PRPF39: variants seen among roughly 807,000 people sequenced by gnomAD.
PRPF39 encodes pre-mRNA processing factor 39.
In PRPF39, 27 loss-of-function variants were observed where a neutral mutation model predicts 82.1. That is an observed-to-expected ratio of 0.33 (90% CI 0.24 to 0.45). The LOEUF (loss-of-function observed/expected upper bound fraction) is 0.45, where lower values mean the gene tolerates loss of function less well. Ranked by LOEUF, PRPF39 falls within the 20% of genes least tolerant of loss-of-function variation. PRPF39 has a pLI of 1.00. For missense variants in PRPF39, 581 were observed against 796.9 expected, an observed-to-expected ratio of 0.73 and a Z score of 3.26; for synonymous variants, 261 against 256.4, an observed-to-expected ratio of 1.02 and a Z score of -0.17.
In PRPF39 at chr14:45,110,175, A is replaced by C; in HGVS notation, c.1258A>C (p.Lys420Gln). The change falls in exon 9 of 14, where the codon AAA (lysine) becomes CAA (glutamine). Residue 420 changes from lysine (K) to glutamine (Q), a missense_variant. Lys to Gln is a moderately conservative substitution (Grantham distance 53, BLOSUM62 1). Coordinates refer to ENST00000355765, the MANE Select transcript of PRPF39 (RefSeq NM_017922.4). This position sits in a 1 kb window ranked among gnomAD's most constrained non-coding sequence, Gnocchi z 4.0. Reference protein sequence around the residue: ...SRACTIHLPKKPMVHMLWAAF... With the variant: ...SRACTIHLPKQPMVHMLWAAF... ...AGCTTGTACTATACATCTCCCAAAG[A>C]AACCCATGGTGCATATGCTTTGGGC... is the stretch of plus-strand genomic sequence containing the variant. The C allele has an allele frequency of 6.2e-7, 1 of 1,613,852 alleles. No homozygotes were observed. The highest frequency in any genetic ancestry group is 8.5e-7 in the Non-Finnish European group (1 of 1,179,778).
At chr14:45,094,204 TA>T (rs891070305) in intron 1 of PRPF39, among the ~76,000 whole-genome samples, 2 of 151,830 alleles carry the variant, frequency 1.3e-5, no homozygotes, top group Admixed American at 1.3e-4. Flanking sequence ...TTCCTCATTT[TA>T]AAAAAAATGA....
Position 45,109,855 on chromosome 14 carries a change from T to C in PRPF39, c.1176+75T>C, listed in dbSNP as rs1236858261. On this transcript the variant is annotated intron_variant, in intron 8 of 13. Transcript: ENST00000355765. ...TAGTGACTAACCTTTTTTGTACTTCTGTTGAATGTTGTTCATATAACTATA... is the reference window on the plus strand; with the variant it reads ...TAGTGACTAACCTTTTTTGTACTTCCGTTGAATGTTGTTCATATAACTATA... The C allele has an allele frequency of 2.8e-5, 43 of 1,521,474 alleles. 1 individual carries two copies. The highest frequency in any genetic ancestry group is 1.0e-4 in the South Asian group (8 of 78,908). The allele number at this position is 1,521,474 out of a possible 1,614,324, so 94.2% of individuals were successfully genotyped here. A position where few individuals can be genotyped will look rare whatever the true frequency, so the allele number is the denominator to read the frequency against.
intron 8 of PRPF39, 150 bp from the exon 9 acceptor site, chr14:45,109,944 T>G: frequency 6.5e-7 from 1 of 1,538,390 alleles, no homozygotes; most frequent in Non-Finnish European, 8.7e-7. Context: ...CCAACCTCGT[T>G]GCCTCTCTTC....
chr14:45,114,914 T>A lies in PRPF39; in HGVS notation c.*1T>A, dbSNP rs779394218. 3 of 1,588,106 alleles carry A rather than the reference T, an allele frequency of 1.9e-6. No homozygotes were observed. In the Admixed American group the frequency reaches 5.0e-5, roughly 27 times the overall value. ...ATATTATCCTCCCCCTCCAACCTGATGGGAAAAATGTAAATTTCAAATGCA... is the reference window on the plus strand; with the variant it reads ...ATATTATCCTCCCCCTCCAACCTGAAGGGAAAAATGTAAATTTCAAATGCA... On this transcript the variant is annotated 3_prime_UTR_variant, in exon 14 of 14. Coordinates refer to ENST00000355765, the MANE Select transcript of PRPF39 (RefSeq NM_017922.4).
At chr14:45,093,885 G>A (rs1349118795) in intron 1 of PRPF39, among the ~76,000 whole-genome samples, 1 of 152,042 alleles carries the variant, frequency 6.6e-6, no homozygotes, top group East Asian at 1.9e-4. Flanking sequence ...ACACCCTCCA[G>A]TTTTGCTGTA....
chr14:45,107,436 A>T lies in PRPF39; in HGVS notation c.738-15A>T, dbSNP rs1291999548. 6.8e-7 allele frequency: 1 copy of T among 1,474,608 alleles called. No homozygotes were observed. The highest frequency in any genetic ancestry group is 9.3e-7 in the Non-Finnish European group (1 of 1,080,490). The allele number at this position is 1,474,608 out of a possible 1,614,324, so 91.3% of individuals were successfully genotyped here. A position where few individuals can be genotyped will look rare whatever the true frequency, so the allele number is the denominator to read the frequency against. On this transcript the variant is annotated splice_polypyrimidine_tract_variant and intron_variant, in intron 5 of 13. Transcript: ENST00000355765. The stretch of plus-strand genomic sequence containing the variant: ...TTATGATTCAAATACATATATTTTT[A>T]TTGTCTTCCTTTAGATTTAAAGAAC...
intron 1 of PRPF39, among the ~76,000 whole-genome samples, chr14:45,092,615 A>AT (rs1884070011): frequency 6.6e-6 from 1 of 151,566 alleles, no homozygotes. Flanking sequence ...AAAAAAAAAA[A>AT]AAAAAAAAAG....
chr14:45,087,491 A>G (rs1233030044), intron 1 of PRPF39, among the ~76,000 whole-genome samples: 1 of 152,100 alleles, frequency 6.6e-6, no homozygotes, highest in African/African-American at 2.4e-5. Flanking sequence ...GTATGTTTGA[A>G]TATTTTGTGA....
chr14:45,112,335 C>T lies in PRPF39; in HGVS notation c.1590C>T (p.Tyr530=). 5.8e-6 allele frequency: 9 copies of T among 1,558,936 alleles called. No homozygotes were observed. The highest frequency in any genetic ancestry group is 6.9e-6 in the Non-Finnish European group (8 of 1,163,278). The change falls in exon 11 of 14, where the codon TAC becomes TAT. Residue 530 remains tyrosine, a synonymous_variant. Transcript: ENST00000355765. The stretch of plus-strand genomic sequence containing the variant: ...TTACACAGGAGAACACAAAGTTATA[C>T]CTCAATTTACTTGAAATGGAATATA... The part of the protein sequence containing the change: ...IERDKENTKL[Y]LNLLEMEYSG...
At chr14:45,107,679 A>G (rs1427547032) in intron 6 of PRPF39, 63 bp downstream of exon 6, 31 of 1,481,716 alleles carry the variant, frequency 2.1e-5, no homozygotes, top group South Asian at 1.0e-4. Context: ...CTGTAATCGC[A>G]GCACTTTGGG....
intron 1 of PRPF39, among the ~76,000 whole-genome samples, chr14:45,093,665 C>T (rs917480327): frequency 6.6e-6 from 1 of 151,864 alleles, no homozygotes; most frequent in South Asian, 2.1e-4. Flanking sequence ...AAGAGAGTCT[C>T]CTGCCTCAGC....
intron 3 of PRPF39, 91 bp from the exon 4 acceptor site, chr14:45,096,796 G>A (rs1489124730): frequency 6.5e-7 from 1 of 1,542,834 alleles, no homozygotes; most frequent in Admixed American, 2.0e-5. Context: ...CCAGTAATTA[G>A]TATTTCTAAG....
At position 45,107,441 on chromosome 14, in the gene PRPF39, C is replaced by T. The variant is rs757054610; in HGVS notation, c.738-10C>T. The T allele has an allele frequency of 9.4e-6, 14 of 1,488,328 alleles. No individual in the cohort carries two copies. Among genetic ancestry groups the T allele is most frequent in the Admixed American group, 8.0e-5 (4 of 49,958 alleles). The allele number at this position is 1,488,328 out of a possible 1,614,324, so 92.2% of individuals were successfully genotyped here. On this transcript the variant is annotated splice_polypyrimidine_tract_variant and intron_variant, in intron 5 of 13. Transcript: ENST00000355765. ...ATTCAAATACATATATTTTTATTGT[C>T]TTCCTTTAGATTTAAAGAACATGTA...
intron 5 of PRPF39, among the ~76,000 whole-genome samples, chr14:45,103,312 CAG>C (rs2139054554): frequency 6.6e-6 from 1 of 152,142 alleles, no homozygotes; most frequent in South Asian, 2.1e-4. Context: ...CTGCTTTATT[CAG>C]AGTATCCCAT....
At chr14:45,091,800 A>T (rs1490683763) in intron 1 of PRPF39, among the ~76,000 whole-genome samples, 2 of 152,230 alleles carry the variant, frequency 1.3e-5, no homozygotes, top group African/African-American at 2.4e-5. Context: ...GTTGCCGGGG[A>T]TATAAAGCAA....
intron 1 of PRPF39, among the ~76,000 whole-genome samples, chr14:45,092,255 G>T (rs182939383): frequency 6.6e-6 from 1 of 152,052 alleles, no homozygotes; most frequent in Non-Finnish European, 1.5e-5. Flanking sequence ...AGGGATATTG[G>T]GTAGGCAACT....
At chr14:45,093,111 G>C (rs569872637) in intron 1 of PRPF39, among the ~76,000 whole-genome samples, 1 of 152,244 alleles carries the variant, frequency 6.6e-6, no homozygotes, top group East Asian at 1.9e-4. Flanking sequence ...AAATCTGTGA[G>C]TGCATGTGTG....
chr14:45,100,709 A>G (rs1884349221), intron 4 of PRPF39, among the ~76,000 whole-genome samples: 1 of 152,178 alleles, frequency 6.6e-6, no homozygotes, highest in South Asian at 2.1e-4. Flanking sequence ...ACAGACACAC[A>G]TGCTCTTCAA....
chr14:45,105,680 C>A (rs955881346), intron 5 of PRPF39, among the ~76,000 whole-genome samples: 2 of 151,738 alleles, frequency 1.3e-5, no homozygotes, highest in East Asian at 1.9e-4. Flanking sequence ...GTGCCCGCCC[C>A]GACACGGAGC....
Sources: gnomAD v4.1 joint callset for allele counts (sites outside exome capture counted in the v4.1 genomes callset) on GRCh38, gnomAD v4.1.1 for gene constraint, Gnocchi (gnomAD v3.1) non-coding constraint, MANE v1.5 for transcripts, NCBI Gene and HGNC (gene_info 2026-07-23, HGNC 2026-07-21) for gene names.